The following BDH1 variants were observed in gnomAD, a reference collection of about 807,000 sequenced individuals.
BDH1 encodes the protein D-beta-hydroxybutyrate dehydrogenase, mitochondrial.
In BDH1, 30 loss-of-function variants were observed where a neutral mutation model predicts 33.1. The observed-to-expected ratio is 0.91, with a 90% CI of 0.68 to 1.23. BDH1 has a LOEUF of 1.23. BDH1 is among the 50% of genes most tolerant of loss of function. The pLI, the probability that BDH1 is intolerant of heterozygous loss-of-function variation, is 0.00. For synonymous variants in BDH1, 190 were observed against 183.6 expected (o/e 1.03, Z -0.28); for missense variants, 443 against 464.4 (o/e 0.95, Z 0.42).
At chr3:197,562,980 G>A (rs1021293620) in intron 1 of BDH1, among the ~76,000 whole-genome samples, 2 of 152,148 alleles carry the variant, frequency 1.3e-5, no homozygotes, top group African/African-American at 4.8e-5. Context: ...TTTCTGCCAT[G>A]CTTTAAGTCT....
intron 1 of BDH1, among the ~76,000 whole-genome samples, chr3:197,565,999 C>T (rs535698211): frequency 6.6e-5 from 10 of 152,118 alleles, no homozygotes; most frequent in Non-Finnish European, 1.3e-4. Flanking sequence ...GTTGCTGATC[C>T]TTTGTTTTGT....
At chr3:197,542,540 T>TTTTTTTTTTTTTCA (rs1715731114) in intron 3 of BDH1, among the ~76,000 whole-genome samples, 1 of 147,624 alleles carries the variant, frequency 6.8e-6, no homozygotes, top group African/African-American at 2.6e-5. Flanking sequence ...TTTTTTTTTT[T>TTTTTTTTTTTTTCA]GAGACGGAGT....
At chr3:197,570,143 C>T (rs1717561133) in intron 1 of BDH1, among the ~76,000 whole-genome samples, 1 of 152,180 alleles carries the variant, frequency 6.6e-6, no homozygotes, top group Non-Finnish European at 1.5e-5. Context: ...CATTTTGCCC[C>T]TGCCCTAGAG....
At chr3:197,572,167 T>A (rs1489688626) in intron 1 of BDH1, among the ~76,000 whole-genome samples, 3 of 152,180 alleles carry the variant, frequency 2.0e-5, no homozygotes, top group Non-Finnish European at 4.4e-5. Flanking sequence ...AGTTTTATTG[T>A]GGATCTTAAG....
At chr3:197,527,592 G>A (rs1714223171) in intron 5 of BDH1, among the ~76,000 whole-genome samples, 1 of 152,090 alleles carries the variant, frequency 6.6e-6, no homozygotes, top group African/African-American at 2.4e-5. Flanking sequence ...TCCCTATGCT[G>A]ATACAAGATC....
rs996655584 is a variant in BDH1 at position 197,521,806 on chromosome 3, G to A, written c.409+834C>T. ...TCCCAACACCTACCACCCTAGTTCCGGAGTCCAGAACCCATGTTTAACTCC... is the reference window on the plus strand; with the variant it reads ...TCCCAACACCTACCACCCTAGTTCCAGAGTCCAGAACCCATGTTTAACTCC... On this transcript the variant is annotated intron_variant, in intron 6 of 7. Coordinates refer to ENST00000392379, the MANE Select transcript of BDH1 (RefSeq NM_203314.3). This position sits in a 1 kb window ranked among gnomAD's most constrained non-coding sequence, Gnocchi z 4.9. Among the ~76,000 whole-genome samples the A allele has an allele frequency of 1.3e-5, 2 of 152,138 alleles. No individual in the cohort carries two copies. The highest frequency in any genetic ancestry group is 2.9e-5 in the Non-Finnish European group (2 of 68,034).
chr3:197,551,224 A>ACTAC, intron 2 of BDH1, among the ~76,000 whole-genome samples: 1 of 152,242 alleles, frequency 6.6e-6, no homozygotes, highest in South Asian at 2.1e-4. Flanking sequence ...ACAGACCCTC[A>ACTAC]CTACCTGTCC....
Position 197,521,722 on chromosome 3 carries a change from G to A in BDH1, c.409+918C>T, listed in dbSNP as rs916365965. On this transcript the variant is annotated intron_variant, in intron 6 of 7. Coordinates refer to ENST00000392379, the MANE Select transcript of BDH1 (RefSeq NM_203314.3). The surrounding 1 kb of genome is among the most constrained non-coding windows in gnomAD (Gnocchi z 4.9). ...CGCCTCACCTCATCCCCACATCCAAGTCACCAAGTCCAGGCAGCTTCGCCT... is the reference window on the plus strand; with the variant it reads ...CGCCTCACCTCATCCCCACATCCAAATCACCAAGTCCAGGCAGCTTCGCCT... Among the ~76,000 whole-genome samples, 10 of 152,116 alleles carry A rather than the reference G, an allele frequency of 6.6e-5. No homozygotes were observed. The highest frequency in any genetic ancestry group is 2.4e-4 in the African/African-American group (10 of 41,408).
chr3:197,520,372 C>A lies in BDH1; in HGVS notation c.409+2268G>T, dbSNP rs1414726796. Among the ~76,000 whole-genome samples the A allele has an allele frequency of 6.6e-6, 1 of 152,008 alleles. No individual in the cohort carries two copies. Among genetic ancestry groups the A allele is most frequent in the Non-Finnish European group, 1.5e-5 (1 of 68,038 alleles). On this transcript the variant is annotated intron_variant, in intron 6 of 7. Coordinates refer to ENST00000392379, the MANE Select transcript of BDH1 (RefSeq NM_203314.3). The surrounding 1 kb of genome is among the most constrained non-coding windows in gnomAD (Gnocchi z 6.0). The stretch of plus-strand genomic sequence containing the variant: ...TCCGGAATGCCCGGCGTGGGAAAAG[C>A]AGCAGGGAAAGGTCTGCGCGTCAGG...
chr3:197,533,521 CA>C lies in BDH1; in HGVS notation c.123del (p.Ile41MetfsTer47), dbSNP rs759328286. ...LLLGSTSFIP[I>X]GRRTYASAAE... ...GCCGCACTGGCATAAGTCCGACGGC[CA>C]ATCGGGATAAAGGAAGTAGAACCAA... On this transcript the variant is annotated frameshift_variant, in exon 4 of 8. Coordinates refer to ENST00000392379, the MANE Select transcript of BDH1 (RefSeq NM_203314.3). LOFTEE classifies it high-confidence loss of function. 2.2e-5 allele frequency: 36 copies of C among 1,614,226 alleles called. No homozygotes were observed. The East Asian group carries it at 5.3e-4, about 24-fold the overall frequency.
At position 197,521,883 on chromosome 3, in the gene BDH1, C is replaced by G. The variant is rs1560311446; in HGVS notation, c.409+757G>C. The stretch of plus-strand genomic sequence containing the variant: ...ACTGCCATCCTCAGAGGGAGATTCA[C>G]AAGTCTCACAATGACCAGGCCATTC... On this transcript the variant is annotated intron_variant, in intron 6 of 7. Transcript: ENST00000392379. This position sits in a 1 kb window ranked among gnomAD's most constrained non-coding sequence, Gnocchi z 4.9. 6.6e-6 allele frequency among the ~76,000 whole-genome samples: 1 copy of G among 152,304 alleles called. No individual in the cohort carries two copies. Among genetic ancestry groups the G allele is most frequent in the East Asian group, 1.9e-4 (1 of 5,182 alleles).
At position 197,522,646 on chromosome 3, in the gene BDH1, C is replaced by T; in HGVS notation, c.403G>A (p.Glu135Lys). 6.2e-7 allele frequency: 1 copy of T among 1,614,164 alleles called. No individual in the cohort carries two copies. Among genetic ancestry groups the T allele is most frequent in the Non-Finnish European group, 8.5e-7 (1 of 1,180,024 alleles). ...EIVRSSLKDPEKGMWGLVNNA... is the reference protein window; with the variant it reads ...EIVRSSLKDPKKGMWGLVNNA... ...GTCCGAAGGGGCGCCCTACCTTTCTCAGGGTCCTTCAGGCTCGAGCGGACA... is the reference window on the plus strand; with the variant it reads ...GTCCGAAGGGGCGCCCTACCTTTCTTAGGGTCCTTCAGGCTCGAGCGGACA... The change falls in exon 6 of 8, where the codon GAG becomes AAG. Residue 135 changes from glutamate to lysine, a missense_variant. Glu to Lys is a moderately conservative substitution (Grantham distance 56). Coordinates refer to ENST00000392379, the MANE Select transcript of BDH1 (RefSeq NM_203314.3). The surrounding 1 kb of genome is among the most constrained non-coding windows in gnomAD (Gnocchi z 4.8).
intron 7 of BDH1, among the ~76,000 whole-genome samples, chr3:197,513,731 A>T (rs187902816): frequency 6.6e-6 from 1 of 152,340 alleles, no homozygotes; most frequent in East Asian, 1.9e-4. Flanking sequence ...ATTGTTTGCT[A>T]TGCCAGAGAA....
In BDH1 at chr3:197,510,885, C is replaced by T. The variant is rs1240453007; in HGVS notation, c.*1010G>A. 1 of 152,222 alleles carries T rather than the reference C, an allele frequency of 6.6e-6. No homozygotes were observed. Among genetic ancestry groups the T allele is most frequent in the Non-Finnish European group, 1.5e-5 (1 of 68,156 alleles). The allele number at this position is 152,222 out of a possible 1,614,324, so 9.4% of individuals were successfully genotyped here. A position where few individuals can be genotyped will look rare whatever the true frequency, so the allele number is the denominator to read the frequency against. ...AGACCCAAACCAGTAACAACTTATCCCCTTAGCCAGAGAGCACCTCCACAC... is the reference window on the plus strand; with the variant it reads ...AGACCCAAACCAGTAACAACTTATCTCCTTAGCCAGAGAGCACCTCCACAC... On this transcript the variant is annotated 3_prime_UTR_variant, in exon 8 of 8. Coordinates refer to ENST00000392379, the MANE Select transcript of BDH1 (RefSeq NM_203314.3).
rs1447052633 is a variant in BDH1, at chr3:197,516,913, A to G, written c.410-2497T>C. On this transcript the variant is annotated intron_variant, in intron 6 of 7. Coordinates refer to ENST00000392379, the MANE Select transcript of BDH1 (RefSeq NM_203314.3). This position sits in a 1 kb window ranked among gnomAD's most constrained non-coding sequence, Gnocchi z 4.2. ...TGGAAAATAGATCCTAAATTGTCTC[A>G]TATCCGGTTGAGGCAACTGAAGCTC... is the stretch of plus-strand genomic sequence containing the variant. Among the ~76,000 whole-genome samples the G allele has an allele frequency of 6.6e-6, 1 of 152,044 alleles. No homozygotes were observed. The highest frequency in any genetic ancestry group is 1.5e-5 in the Non-Finnish European group (1 of 68,010).
In BDH1 at chr3:197,514,121, C is replaced by G; in HGVS notation, c.562+143G>C. On this transcript the variant is annotated intron_variant, in intron 7 of 7. Coordinates refer to ENST00000392379, the MANE Select transcript of BDH1 (RefSeq NM_203314.3). The surrounding 1 kb of genome is among the most constrained non-coding windows in gnomAD (Gnocchi z 4.2). ...CCCCTCTGCCCACCATCACCCCAGGCCCAGCATAGTCCCTGGGATTCACGA... is the reference window on the plus strand; with the variant it reads ...CCCCTCTGCCCACCATCACCCCAGGGCCAGCATAGTCCCTGGGATTCACGA... 2 of 1,151,806 alleles carry G rather than the reference C, an allele frequency of 1.7e-6. No individual in the cohort carries two copies. The highest frequency in any genetic ancestry group is 1.2e-6 in the Non-Finnish European group (1 of 839,068). 71.3% of individuals were successfully genotyped at this position (1,151,806 alleles called of 1,614,324 possible).
chr3:197,513,188 C>T (rs1712267136), intron 7 of BDH1, among the ~76,000 whole-genome samples: 1 of 152,188 alleles, frequency 6.6e-6, no homozygotes, highest in Non-Finnish European at 1.5e-5. Context: ...GCATCAGGGG[C>T]CTCCCACAGC....
chr3:197,530,962 C>T (rs1205151370), intron 5 of BDH1, among the ~76,000 whole-genome samples: 2 of 152,142 alleles, frequency 1.3e-5, no homozygotes, highest in East Asian at 1.9e-4. Context: ...GCCTTGTTAA[C>T]AGTTTACATA....
rs1008702693 is a variant in BDH1, at chr3:197,520,508, C to G, written c.409+2132G>C. On this transcript the variant is annotated intron_variant, in intron 6 of 7. Coordinates refer to ENST00000392379, the MANE Select transcript of BDH1 (RefSeq NM_203314.3). The surrounding 1 kb of genome is among the most constrained non-coding windows in gnomAD (Gnocchi z 6.0). ...GTTAGGCTGCCTGGCCAGTCCAGTACAGACAATGGAAGTGATTCTGCCCCA... is the reference window on the plus strand; with the variant it reads ...GTTAGGCTGCCTGGCCAGTCCAGTAGAGACAATGGAAGTGATTCTGCCCCA... Among the ~76,000 whole-genome samples the G allele has an allele frequency of 6.6e-6, 1 of 152,138 alleles. No individual in the cohort carries two copies. The highest frequency in any genetic ancestry group is 1.5e-5 in the Non-Finnish European group (1 of 68,022).
Sources: gnomAD v4.1 joint callset for allele counts (sites outside exome capture counted in the v4.1 genomes callset) on GRCh38, gnomAD v4.1.1 for gene constraint, Gnocchi (gnomAD v3.1) non-coding constraint, MANE v1.5 for transcripts, NCBI Gene and HGNC (gene_info 2026-07-23, HGNC 2026-07-21) for gene names.